Variants in ERMARD observed in about 807,000 individuals in gnomAD.
ERMARD encodes the protein ER membrane associated RNA degradation.
Under a neutral mutation model 83.9 loss-of-function variants are expected in ERMARD, and 71 were observed. The observed-to-expected ratio is 0.85, with a 90% CI of 0.70 to 1.03. The LOEUF is 1.03. Among genes scored for constraint, ERMARD ranks in the 50% least tolerant of loss-of-function variants. The pLI, the probability that ERMARD is intolerant of heterozygous loss-of-function variation, is 0.00. For missense variants in ERMARD, 838 were observed against 810.9 expected (o/e 1.03, Z -0.41); for synonymous variants, 284 against 298.6 (o/e 0.95, Z 0.50).
At chr6:169,767,761 A>T in intron 10 of ERMARD, 1 of 308,988 alleles carries the variant, frequency 3.2e-6, no homozygotes, top group Non-Finnish European at 6.1e-6. Context: ...TACACTACAC[A>T]CACACACACA....
intron 11 of ERMARD, 141 bp downstream of exon 11, chr6:169,768,312 C>A: frequency 1.4e-6 from 1 of 728,808 alleles, no homozygotes; most frequent in Non-Finnish European, 2.2e-6. Flanking sequence ...TCAGCTTCAG[C>A]CACCAATCAG....
chr6:169,766,316 G>A (rs191954218), intron 9 of ERMARD, among the ~76,000 whole-genome samples: 59 of 152,324 alleles, frequency 3.9e-4, no homozygotes, highest in African/African-American at 4.3e-4. Context: ...AATACCAGTC[G>A]TCAGGAGAAG....
At chr6:169,762,298 C>G in intron 8 of ERMARD, 131 bp from the exon 9 acceptor site, 1 of 777,614 alleles carries the variant, frequency 1.3e-6, no homozygotes, top group Non-Finnish European at 2.1e-6. Flanking sequence ...TGGTCTTGAA[C>G]TCCTAGCCTC....
intron 5 of ERMARD, among the ~76,000 whole-genome samples, chr6:169,757,340 A>G (rs1480349736): frequency 6.6e-6 from 1 of 152,304 alleles, no homozygotes; most frequent in South Asian, 2.1e-4. Flanking sequence ...CAGCACATAG[A>G]AAGCTTTCCT....
intron 8 of ERMARD, among the ~76,000 whole-genome samples, chr6:169,761,977 C>T (rs1329130887): frequency 6.6e-6 from 1 of 152,194 alleles, no homozygotes; most frequent in Non-Finnish European, 1.5e-5. Context: ...GCCACTGCGC[C>T]CAGCTGGTTC....
intron 10 of ERMARD, chr6:169,767,684 A>G: frequency 4.5e-6 from 1 of 221,596 alleles, no homozygotes; most frequent in Non-Finnish European, 9.1e-6. Context: ...ACACATGCAC[A>G]CACCACACAC....
chr6:169,753,552 T>G (rs1455560608), intron 1 of ERMARD, among the ~76,000 whole-genome samples: 1 of 152,118 alleles, frequency 6.6e-6, no homozygotes, highest in Non-Finnish European at 1.5e-5. Flanking sequence ...TTTTTTTTTT[T>G]TAAGTGAAAG....
At chr6:169,778,340 T>C (rs1438926004) in intron 16 of ERMARD, among the ~76,000 whole-genome samples, 1 of 152,260 alleles carries the variant, frequency 6.6e-6, no homozygotes, top group Admixed American at 6.5e-5. Context: ...TGTGGAAATG[T>C]GGGTTCTATC....
Position 169,756,828 on chromosome 6 carries a change from C to T in ERMARD, c.507+20C>T. On this transcript the variant is annotated intron_variant, in intron 5 of 17. Transcript: ENST00000366773. ...TCTGTGGTAAGCTTGTTCATCTAAACTCATGGAGTATATTAGTCCGTTTTC... is the reference window on the plus strand; with the variant it reads ...TCTGTGGTAAGCTTGTTCATCTAAATTCATGGAGTATATTAGTCCGTTTTC... 6.2e-7 allele frequency: 1 copy of T among 1,606,454 alleles called. No individual in the cohort carries two copies. The highest frequency in any genetic ancestry group is 8.5e-7 in the Non-Finnish European group (1 of 1,173,556).
intron 17 of ERMARD, among the ~76,000 whole-genome samples, chr6:169,781,072 T>A (rs942932396): frequency 1.3e-5 from 2 of 152,226 alleles, no homozygotes; most frequent in African/African-American, 4.8e-5. Flanking sequence ...ATGTCTGGGC[T>A]GGAGAAGAAT....
In ERMARD at chr6:169,764,838, A is replaced by G. The variant is rs145849694; in HGVS notation, c.961-1800A>G. Among the ~76,000 whole-genome samples, 245 of 152,298 alleles carry G rather than the reference A, an allele frequency of 1.6e-3. 1 individual carries two copies. Among genetic ancestry groups the G allele is most frequent in the African/African-American group, 5.6e-3 (234 of 41,558 alleles). On this transcript the variant is annotated intron_variant, in intron 9 of 17. Coordinates refer to ENST00000366773, the MANE Select transcript of ERMARD (RefSeq NM_018341.3). Reference sequence around the variant, plus strand: ...ACCCCCAGATTTTCCGCTCCAGGTCAGGGGCTGTGGCCACAAAAGCGACCT... The same window carrying G: ...ACCCCCAGATTTTCCGCTCCAGGTCGGGGGCTGTGGCCACAAAAGCGACCT...
chr6:169,776,492 G>T lies in ERMARD; in HGVS notation c.1558G>T (p.Val520Phe), dbSNP rs1455960783. Residue 520 changes from valine (V) to phenylalanine (F), a missense_variant, in exon 16 of 18, where the codon GTT becomes TTT. Val to Phe is a conservative substitution (Grantham distance 50). Transcript: ENST00000366773. Reference sequence around the variant, plus strand: ...TCTCCGTGAGCTCTGCAGCACACCTGTTCCCACCCTGTTCTGCCCCAGGAT... The same window carrying T: ...TCTCCGTGAGCTCTGCAGCACACCTTTTCCCACCCTGTTCTGCCCCAGGAT... ...QLLRELCSTP[V>F]PTLFCPRIVL... 6.2e-7 allele frequency: 1 copy of T among 1,614,130 alleles called. No homozygotes were observed. Among genetic ancestry groups the T allele is most frequent in the South Asian group, 1.1e-5 (1 of 91,054 alleles).
Position 169,756,515 on chromosome 6 carries a change from C to A in ERMARD, c.417+76C>A, listed in dbSNP as rs369604833. 2.2e-5 allele frequency: 25 copies of A among 1,154,744 alleles called. No homozygotes were observed. The East Asian group carries it at 2.6e-4, about 12-fold the overall frequency. The allele number at this position is 1,154,744 out of a possible 1,614,324, so 71.5% of individuals were successfully genotyped here. On this transcript the variant is annotated intron_variant, in intron 4 of 17. Transcript: ENST00000366773. Reference sequence around the variant, plus strand: ...CATGAAACTATTTTACAGTTGTCCTCAGTTTTCTTGATTATTTTCCTATAA... The same window carrying A: ...CATGAAACTATTTTACAGTTGTCCTAAGTTTTCTTGATTATTTTCCTATAA...
intron 8 of ERMARD, 48 bp downstream of exon 8, chr6:169,760,804 T>G (rs2128346438): frequency 7.7e-7 from 1 of 1,299,268 alleles, no homozygotes; most frequent in Non-Finnish European, 1.1e-6. Context: ...TTGGAGGCCA[T>G]TCTTTCTTGA....
At chr6:169,778,565 G>C (rs1304289328) in intron 16 of ERMARD, among the ~76,000 whole-genome samples, 2 of 152,140 alleles carry the variant, frequency 1.3e-5, no homozygotes, top group Non-Finnish European at 2.9e-5. Context: ...GGGTTGAGTG[G>C]TATCTGTTTT....
rs1462201833 is a variant in ERMARD at position 169,774,760 on chromosome 6, G to T, written c.1318-510G>T. ...TTGTGGCCTGACCTGGGCGTTGATG[G>T]CTGTGGTCCCCCAGGGCTTCGTGGG... is the stretch of plus-strand genomic sequence containing the variant. On this transcript the variant is annotated intron_variant, in intron 13 of 17. Transcript: ENST00000366773. Among the ~76,000 whole-genome samples, 3 of 152,220 alleles carry T rather than the reference G, an allele frequency of 2.0e-5. No individual in the cohort carries two copies. The South Asian group carries it at 6.2e-4, about 31-fold the overall frequency.
rs1794166144 is a variant in ERMARD, at chr6:169,781,264, A to T, written c.1854-66A>T. On this transcript the variant is annotated intron_variant, in intron 17 of 17. Transcript: ENST00000366773. The stretch of plus-strand genomic sequence containing the variant: ...TAGGAATAATTCCAAGAATGAAGTG[A>T]AGACATTTAATTCATTGTTTCATTT... 2.2e-6 allele frequency: 3 copies of T among 1,391,984 alleles called. No individual in the cohort carries two copies. In the African/African-American group the frequency reaches 4.5e-5, roughly 21 times the overall value. The allele number at this position is 1,391,984 out of a possible 1,614,324, so 86.2% of individuals were successfully genotyped here. A position where few individuals can be genotyped will look rare whatever the true frequency, so the allele number is the denominator to read the frequency against.
intron 13 of ERMARD, among the ~76,000 whole-genome samples, chr6:169,775,009 T>C (rs997664620): frequency 6.6e-5 from 10 of 151,858 alleles, no homozygotes; most frequent in Admixed American, 2.6e-4. Flanking sequence ...GGCCTCCCTC[T>C]CAATGGCAGG....
At chr6:169,773,451 A>T (rs1439840729) in intron 13 of ERMARD, 49 bp downstream of exon 13, 2 of 1,564,498 alleles carry the variant, frequency 1.3e-6, no homozygotes, top group Admixed American at 1.7e-5. Flanking sequence ...CTCTGAAACC[A>T]CCTGTCTTCT....
Sources: allele counts gnomAD v4.1 joint callset (sites outside exome capture counted in the v4.1 genomes callset), GRCh38; gene constraint gnomAD v4.1.1; transcripts MANE v1.5; gene names NCBI Gene and HGNC (gene_info 2026-07-23, HGNC 2026-07-21).